The following HTR1F variants were observed in gnomAD, a reference collection of about 807,000 sequenced individuals.
HTR1F encodes 5-hydroxytryptamine receptor 1F.
A neutral mutation model predicts 24.0 loss-of-function variants in HTR1F; 17 were observed. The ratio of observed to expected loss-of-function variants is 0.71; its 90% confidence interval spans 0.48 to 1.06. The LOEUF (loss-of-function observed/expected upper bound fraction) is 1.06, where lower values mean the gene tolerates loss of function less well. Ranked by LOEUF, HTR1F falls within the 50% of genes least tolerant of loss-of-function variation. The pLI, the probability that HTR1F is intolerant of heterozygous loss-of-function variation, is 0.00. For synonymous variants in HTR1F, 186 were observed against 156.8 expected, an observed-to-expected ratio of 1.19 and a Z score of -1.39; for missense variants, 391 against 427.8, an observed-to-expected ratio of 0.91 and a Z score of 0.76.
chr3:87,818,178 A>G (rs1704285760), intron 1 of HTR1F, among the ~76,000 whole-genome samples: 1 of 152,178 alleles, frequency 6.6e-6, no homozygotes, highest in African/African-American at 2.4e-5. Flanking sequence ...CAACCTGCAA[A>G]GAGCTGTGCT....
intron 1 of HTR1F, among the ~76,000 whole-genome samples, chr3:87,798,749 A>C (rs55788242): frequency 0.43 from 65,883 of 151,990 alleles, 17,440 homozygotes; most frequent in African/African-American, 0.75. Context: ...ATCACTGAAA[A>C]CTCAGCTCAC....
At chr3:87,848,344 C>G (rs1163106257) in intron 2 of HTR1F, among the ~76,000 whole-genome samples, 1 of 151,580 alleles carries the variant, frequency 6.6e-6, no homozygotes, top group African/African-American at 2.4e-5. Context: ...TGTCTTTTGC[C>G]CTTTTGCCCA....
chr3:87,850,464 G>T (rs1050874050), intron 2 of HTR1F, among the ~76,000 whole-genome samples: 3 of 151,740 alleles, frequency 2.0e-5, no homozygotes, highest in African/African-American at 7.3e-5. Context: ...GTTGTGGGGT[G>T]GGGGGAGTGG....
intron 2 of HTR1F, among the ~76,000 whole-genome samples, chr3:87,845,166 C>T (rs909513956): frequency 2.0e-5 from 3 of 151,748 alleles, no homozygotes; most frequent in African/African-American, 7.3e-5. Flanking sequence ...CCTTTGAAAA[C>T]TGGCACAAGA....
intron 2 of HTR1F, among the ~76,000 whole-genome samples, chr3:87,932,200 C>T (rs1360634743): frequency 6.6e-6 from 1 of 152,050 alleles, no homozygotes; most frequent in Non-Finnish European, 1.5e-5. Context: ...AGTCTTTAAT[C>T]CATCTTGAAT....
chr3:87,930,797 A>G (rs534471080), intron 2 of HTR1F, among the ~76,000 whole-genome samples: 36 of 152,296 alleles, frequency 2.4e-4, no homozygotes, highest in African/African-American at 8.7e-4. Context: ...CGCTATATAC[A>G]TATGAGCTAC....
intron 2 of HTR1F, among the ~76,000 whole-genome samples, chr3:87,933,739 T>C (rs1443794731): frequency 6.6e-6 from 1 of 152,190 alleles, no homozygotes; most frequent in African/African-American, 2.4e-5. Flanking sequence ...TCCATGCTCA[T>C]GGGTAGGAAG....
intron 2 of HTR1F, among the ~76,000 whole-genome samples, chr3:87,956,045 T>A (rs977070848): frequency 6.6e-6 from 1 of 151,430 alleles, no homozygotes. Context: ...TCAGAAGCTT[T>A]ATTACACTTT....
At chr3:87,893,483 C>A (rs1706128350) in intron 2 of HTR1F, among the ~76,000 whole-genome samples, 1 of 152,128 alleles carries the variant, frequency 6.6e-6, no homozygotes, top group Non-Finnish European at 1.5e-5. Flanking sequence ...TTAGAAATAT[C>A]AATCCATTGA....
At chr3:87,935,340 G>A (rs573510491) in intron 2 of HTR1F, among the ~76,000 whole-genome samples, 49 of 152,288 alleles carry the variant, frequency 3.2e-4, no homozygotes, top group Admixed American at 9.8e-4. Flanking sequence ...TGGTGACTCT[G>A]CATTGCATTG....
chr3:87,854,250 C>G (rs370619511), intron 2 of HTR1F, among the ~76,000 whole-genome samples: 5 of 151,918 alleles, frequency 3.3e-5, no homozygotes, highest in Admixed American at 6.6e-5. Context: ...TTTTAGGACT[C>G]CTTTCTCTTT....
At chr3:87,870,134 G>A (rs563440568) in intron 2 of HTR1F, among the ~76,000 whole-genome samples, 19 of 152,186 alleles carry the variant, frequency 1.2e-4, no homozygotes, top group Non-Finnish European at 2.5e-4. Flanking sequence ...AACAGGTATT[G>A]TACATACTTC....
chr3:87,982,482 G>A (rs1705566124), intron 2 of HTR1F, among the ~76,000 whole-genome samples: 1 of 152,104 alleles, frequency 6.6e-6, no homozygotes. Flanking sequence ...ATACTAACTT[G>A]GACTAAAAGG....
chr3:87,922,614 G>T (rs2107380331), intron 2 of HTR1F, among the ~76,000 whole-genome samples: 1 of 151,968 alleles, frequency 6.6e-6, no homozygotes, highest in Admixed American at 6.6e-5. Flanking sequence ...ATGTCCTGCA[G>T]CATTTACTTT....
rs142395634 is a variant in HTR1F at position 87,955,049 on chromosome 3, C to T, written c.-42-35659C>T. Among the ~76,000 whole-genome samples, 3 of 151,232 alleles carry T rather than the reference C, an allele frequency of 2.0e-5. No homozygotes were observed. The East Asian group carries it at 5.8e-4, about 29-fold the overall frequency. ...CCATCTGTTTTGTTTTTTGCCTCACCTACTTTATTGAGGAATAATTTGCAT... is the reference window on the plus strand; with the variant it reads ...CCATCTGTTTTGTTTTTTGCCTCACTTACTTTATTGAGGAATAATTTGCAT... On this transcript the variant is annotated intron_variant, in intron 2 of 2. Coordinates refer to ENST00000319595, the MANE Select transcript of HTR1F (RefSeq NM_001322209.2).
rs183577511 is a variant in HTR1F at position 87,946,307 on chromosome 3, A to G, written c.-42-44401A>G. Among the ~76,000 whole-genome samples the G allele has an allele frequency of 2.2e-3, 328 of 152,264 alleles. 1 individual carries two copies. Among genetic ancestry groups the G allele is most frequent in the African/African-American group, 7.7e-3 (318 of 41,562 alleles). On this transcript the variant is annotated intron_variant, in intron 2 of 2. Coordinates refer to ENST00000319595, the MANE Select transcript of HTR1F (RefSeq NM_001322209.2). ...CCATAACAAACACGGACCAGAAGAG[A>G]GTGCAGTTGCAAGATTTAATAGCCT...
intron 2 of HTR1F, among the ~76,000 whole-genome samples, chr3:87,895,543 A>G (rs2107315091): frequency 6.6e-6 from 1 of 152,242 alleles, no homozygotes; most frequent in South Asian, 2.1e-4. Context: ...CTTCAAAAGA[A>G]TTTGACTATT....
At chr3:87,797,610 A>G (rs1449987539) in intron 1 of HTR1F, among the ~76,000 whole-genome samples, 2 of 152,190 alleles carry the variant, frequency 1.3e-5, no homozygotes, top group Non-Finnish European at 2.9e-5. Context: ...AATCACGTGC[A>G]CATAGATTAG....
rs557308794 is a variant in HTR1F, at chr3:87,925,935, G to C, written c.-42-64773G>C. On this transcript the variant is annotated intron_variant, in intron 2 of 2. Coordinates refer to ENST00000319595, the MANE Select transcript of HTR1F (RefSeq NM_001322209.2). Reference sequence around the variant, plus strand: ...GTGTTCTCTCTTAGATACTTTACTTGAAATGTAGTTATGTATTTGTTGTTT... The same window carrying C: ...GTGTTCTCTCTTAGATACTTTACTTCAAATGTAGTTATGTATTTGTTGTTT... 5.3e-5 allele frequency among the ~76,000 whole-genome samples: 8 copies of C among 152,278 alleles called. No individual in the cohort carries two copies. The South Asian group carries it at 1.4e-3, about 28-fold the overall frequency.
Sources: allele counts gnomAD v4.1 joint callset (sites outside exome capture counted in the v4.1 genomes callset), GRCh38; gene constraint gnomAD v4.1.1; transcripts MANE v1.5; gene names NCBI Gene and HGNC (gene_info 2026-07-23, HGNC 2026-07-21).